DCDC2C: variants seen among roughly 807,000 people sequenced by gnomAD.
DCDC2C encodes doublecortin domain containing 2C.
Under a neutral mutation model 45.0 loss-of-function variants are expected in DCDC2C, and 44 were observed. The observed-to-expected ratio is 0.98, with a 90% CI of 0.77 to 1.26. The LOEUF (loss-of-function observed/expected upper bound fraction) is 1.26, where lower values mean the gene tolerates loss of function less well. Ranked by LOEUF, DCDC2C falls within the 50% of genes most tolerant of loss-of-function variation. The pLI, the probability that DCDC2C is intolerant of heterozygous loss-of-function variation, is 0.00. For synonymous variants in DCDC2C, 187 were observed against 178.8 expected, an observed-to-expected ratio of 1.05 and a Z score of -0.37; for missense variants, 447 against 468.9, an observed-to-expected ratio of 0.95 and a Z score of 0.43.
intron 3 of DCDC2C, among the ~76,000 whole-genome samples, chr2:3,728,667 T>G (rs1668769509): frequency 6.6e-6 from 1 of 152,230 alleles, no homozygotes; most frequent in African/African-American, 2.4e-5. Context: ...GAGTCCTTCC[T>G]ACCACAAATA....
At chr2:3,823,469 C>T (rs1180935358) in intron 10 of DCDC2C, among the ~76,000 whole-genome samples, 4 of 152,070 alleles carry the variant, frequency 2.6e-5, no homozygotes, top group Admixed American at 1.3e-4. Flanking sequence ...AGTAGAGTGT[C>T]TTATGTCTTG....
chr2:3,808,092 C>A (rs1056563547), intron 10 of DCDC2C, among the ~76,000 whole-genome samples: 9 of 152,204 alleles, frequency 5.9e-5, no homozygotes, highest in Admixed American at 1.3e-4. Context: ...GTGTAAGAAG[C>A]TGGCAAACTT....
intron 4 of DCDC2C, among the ~76,000 whole-genome samples, chr2:3,743,173 G>A (rs1669264490): frequency 1.4e-5 from 2 of 148,078 alleles, no homozygotes; most frequent in Admixed American, 6.9e-5. Context: ...ACCACATTAG[G>A]TTAAAAGGGT....
chr2:3,708,952 T>G (rs941134684), intron 2 of DCDC2C, among the ~76,000 whole-genome samples: 2 of 152,250 alleles, frequency 1.3e-5, no homozygotes, highest in South Asian at 4.1e-4. Context: ...AAGCTAATTA[T>G]AATGCTAAAT....
At chr2:3,794,067 CT>C (rs1291046448) in intron 10 of DCDC2C, among the ~76,000 whole-genome samples, 1 of 152,200 alleles carries the variant, frequency 6.6e-6, no homozygotes, top group Non-Finnish European at 1.5e-5. Flanking sequence ...TATCAATGAA[CT>C]TTTTATTCCC....
rs146926565 is a variant in DCDC2C at position 3,818,081 on chromosome 2, T to C, written c.1066-29073T>C. ...TTGGGCTTTGGAGGGGGATATGAGATATCCTTTTGAGAATAGATGTTGGAA... is the reference window on the plus strand; with the variant it reads ...TTGGGCTTTGGAGGGGGATATGAGACATCCTTTTGAGAATAGATGTTGGAA... On this transcript the variant is annotated intron_variant, in intron 10 of 10. Transcript: ENST00000399143. This position sits in a 1 kb window ranked among gnomAD's most constrained non-coding sequence, Gnocchi z 4.7. Among the ~76,000 whole-genome samples the C allele has an allele frequency of 0.011, 1,639 of 150,702 alleles. 39 individuals carry two copies. The highest frequency in any genetic ancestry group is 0.037 in the African/African-American group (1,533 of 41,318).
intron 2 of DCDC2C, among the ~76,000 whole-genome samples, chr2:3,715,381 C>G (rs1274994074): frequency 6.6e-6 from 1 of 152,134 alleles, no homozygotes; most frequent in Non-Finnish European, 1.5e-5. Context: ...CCCACACCTC[C>G]CAAACACTGT....
chr2:3,714,538 C>T (rs1470133477), intron 2 of DCDC2C, among the ~76,000 whole-genome samples: 1 of 152,064 alleles, frequency 6.6e-6, no homozygotes, highest in Non-Finnish European at 1.5e-5. Flanking sequence ...TTTCAGTGGG[C>T]CTATCCTGGA....
intron 10 of DCDC2C, among the ~76,000 whole-genome samples, chr2:3,806,502 G>T (rs1036201828): frequency 2.2e-4 from 33 of 151,914 alleles, no homozygotes; most frequent in African/African-American, 8.0e-4. Context: ...TTGACAAAGT[G>T]CATGAGCTTC....
intron 9 of DCDC2C, among the ~76,000 whole-genome samples, chr2:3,783,211 A>G (rs577881476): frequency 9.2e-5 from 14 of 152,196 alleles, no homozygotes; most frequent in Non-Finnish European, 1.9e-4. Flanking sequence ...TTGTGTATTC[A>G]ATAAAGAGAG....
chr2:3,812,993 T>C (rs1671443238), intron 10 of DCDC2C, among the ~76,000 whole-genome samples: 1 of 150,662 alleles, frequency 6.6e-6, no homozygotes. Flanking sequence ...TACTTCCAAT[T>C]ATGTGGTCGA....
At chr2:3,709,786 T>C (rs778114277) in intron 2 of DCDC2C, among the ~76,000 whole-genome samples, 1 of 152,230 alleles carries the variant, frequency 6.6e-6, no homozygotes, top group East Asian at 1.9e-4. Flanking sequence ...TCTCGGTTCA[T>C]CCTTTGCATA....
chr2:3,725,434 A>G (rs1470917), intron 2 of DCDC2C, among the ~76,000 whole-genome samples: 3,361 of 24,784 alleles, frequency 0.14, 48 homozygotes, highest in East Asian at 0.21. Flanking sequence ...GGTGGATCCC[A>G]GAGGAAGACG....
intron 4 of DCDC2C, among the ~76,000 whole-genome samples, chr2:3,749,329 T>C (rs1207037773): frequency 6.6e-6 from 1 of 152,246 alleles, no homozygotes; most frequent in Admixed American, 6.5e-5. Flanking sequence ...TTGATTTATG[T>C]GCATGATCTC....
intron 10 of DCDC2C, among the ~76,000 whole-genome samples, chr2:3,841,788 C>G (rs1181534190): frequency 6.6e-6 from 1 of 152,204 alleles, no homozygotes; most frequent in Admixed American, 6.5e-5. Context: ...AGCACTCAAC[C>G]CCTGCCTTTT....
intron 10 of DCDC2C, among the ~76,000 whole-genome samples, chr2:3,800,169 G>A (rs1036844082): frequency 6.6e-6 from 1 of 152,200 alleles, no homozygotes; most frequent in Admixed American, 6.5e-5. Flanking sequence ...GACTAGGAAA[G>A]GGAACTCCCT....
intron 4 of DCDC2C, among the ~76,000 whole-genome samples, chr2:3,748,707 G>A (rs56998252): frequency 0.096 from 14,553 of 152,100 alleles, 1,515 homozygotes; most frequent in African/African-American, 0.26. Context: ...GGTGTTGGAG[G>A]AGGCACCTGA....
intron 2 of DCDC2C, among the ~76,000 whole-genome samples, chr2:3,721,190 T>G (rs957824538): frequency 6.6e-6 from 1 of 152,166 alleles, no homozygotes; most frequent in East Asian, 1.9e-4. Flanking sequence ...AAGAGCCAGC[T>G]TTTGGCTCAT....
At chr2:3,816,310 A>G (rs200593634) in intron 10 of DCDC2C, among the ~76,000 whole-genome samples, 8 of 152,282 alleles carry the variant, frequency 5.3e-5, no homozygotes, top group Admixed American at 3.3e-4. Context: ...AGAGTGCCCA[A>G]GGGGTTTAGC....
Sources: allele counts gnomAD v4.1 joint callset (sites outside exome capture counted in the v4.1 genomes callset), GRCh38; gene constraint gnomAD v4.1.1; non-coding constraint Gnocchi (gnomAD v3.1); transcripts MANE v1.5; gene names NCBI Gene and HGNC (gene_info 2026-07-23, HGNC 2026-07-21).